Variants in MFSD11 observed in about 807,000 individuals in gnomAD.
MFSD11 encodes the protein UNC93-like protein MFSD11.
In MFSD11, 36 loss-of-function variants were observed where a neutral mutation model predicts 53.5. The observed-to-expected ratio is 0.67, with a 90% CI of 0.52 to 0.89. MFSD11 has a LOEUF of 0.89. MFSD11 is among the 40% of genes least tolerant of loss of function. The probability of loss-of-function intolerance (pLI) is 0.00; values close to 1 mark genes in which losing one functional copy is unlikely to be tolerated. For missense variants in MFSD11, 530 were observed against 543.9 expected (o/e 0.97, Z 0.25); for synonymous variants, 186 against 184.9 (o/e 1.01, Z -0.05).
the MFSD11 span, among the ~76,000 whole-genome samples, chr17:76,793,715 G>A: frequency 6.6e-6 from 1 of 151,520 alleles, no homozygotes; most frequent in Non-Finnish European, 1.5e-5. Flanking sequence ...TTGCAGTAAA[G>A]ACAGGCATAA....
chr17:76,764,689 A>G (rs1333177584), intron 8 of MFSD11, among the ~76,000 whole-genome samples: 2 of 135,990 alleles, frequency 1.5e-5, no homozygotes, highest in Non-Finnish European at 3.0e-5. Context: ...TAATTAATAC[A>G]CACACACACA....
chr17:76,759,323 C>T (rs971477238), intron 8 of MFSD11, among the ~76,000 whole-genome samples: 5 of 151,818 alleles, frequency 3.3e-5, no homozygotes, highest in Non-Finnish European at 5.9e-5. Flanking sequence ...CACTCTGTCA[C>T]CCAGGCTGGA....
At chr17:76,755,732 A>ATATATGTGTATATGTG in intron 8 of MFSD11, among the ~76,000 whole-genome samples, 1 of 131,120 alleles carries the variant, frequency 7.6e-6, no homozygotes, top group South Asian at 2.7e-4. Context: ...GTGTATATGT[A>ATATATGTGTATATGTG]TATATATGTA....
chr17:76,765,302 T>C (rs1405878803), intron 8 of MFSD11, among the ~76,000 whole-genome samples: 3 of 152,162 alleles, frequency 2.0e-5, no homozygotes, highest in African/African-American at 7.2e-5. Context: ...TGACTGTAGA[T>C]ATAAACATTT....
In MFSD11 at chr17:76,739,483, G is replaced by A. The variant is rs569126153; in HGVS notation, c.152+490G>A. On this transcript the variant is annotated intron_variant, in intron 2 of 12. Coordinates refer to ENST00000685175, the MANE Select transcript of MFSD11 (RefSeq NM_001242532.5). ...ATTTTACAGATGGGTAAAATGAAAA[G>A]ACCTTCACAAGTCACTAGAACCTTG... 3.9e-5 allele frequency among the ~76,000 whole-genome samples: 6 copies of A among 152,268 alleles called. No homozygotes were observed. In the South Asian group the frequency reaches 1.2e-3, roughly 32 times the overall value.
the MFSD11 span, among the ~76,000 whole-genome samples, chr17:76,799,954 C>CTTTTTTTTTTTTTTTT: frequency 2.3e-5 from 2 of 87,302 alleles, no homozygotes; most frequent in African/African-American, 8.3e-5. Context: ...TTTTCTTTTT[C>CTTTTTTTTTTTTTTTT]CTTTTTTTTT....
downstream of MFSD11, among the ~76,000 whole-genome samples, chr17:76,782,474 C>CTTTTTT (rs33999736): frequency 2.9e-4 from 22 of 76,200 alleles, 1 homozygote; most frequent in East Asian, 4.8e-4. Context: ...CGCGCCCAGG[C>CTTTTTT]TTTTTTTTTT....
chr17:76,775,130 T>C lies in MFSD11; in HGVS notation c.1008T>C (p.Ala336=), dbSNP rs373905890. Reference sequence around the variant, plus strand: ...ACATGCCTGGAGATGCCCCGATTGCTCCTGTTAAAGGAACTGACAGCAGTG... The same window carrying C: ...ACATGCCTGGAGATGCCCCGATTGCCCCTGTTAAAGGAACTGACAGCAGTG... The part of the protein sequence containing the change: ...FLNMPGDAPI[A]PVKGTDSSAY... Residue 336 remains alanine, a synonymous_variant, in exon 11 of 13, where the codon GCT becomes GCC. Transcript: ENST00000685175. The C allele has an allele frequency of 1.7e-5, 28 of 1,613,890 alleles. No individual in the cohort carries two copies. Among genetic ancestry groups the C allele is most frequent in the Admixed American group, 3.3e-5 (2 of 59,976 alleles).
At chr17:76,761,453 C>CAT in intron 8 of MFSD11, among the ~76,000 whole-genome samples, 1 of 152,134 alleles carries the variant, frequency 6.6e-6, no homozygotes, top group East Asian at 1.9e-4. Context: ...TAATAGATTA[C>CAT]CCTAGCCATA....
At chr17:76,788,969 C>T in the MFSD11 span, among the ~76,000 whole-genome samples, 1 of 149,398 alleles carries the variant, frequency 6.7e-6, no homozygotes, top group Non-Finnish European at 1.5e-5. Flanking sequence ...TGGTGAAACC[C>T]CATCTCTACT....
chr17:76,755,034 A>G (rs1057099172), intron 8 of MFSD11, among the ~76,000 whole-genome samples: 8 of 152,092 alleles, frequency 5.3e-5, no homozygotes, highest in African/African-American at 1.9e-4. Flanking sequence ...CCAGGCCAAC[A>G]TGGCGAAACC....
intron 7 of MFSD11, among the ~76,000 whole-genome samples, chr17:76,750,807 C>CTT (rs869278745): frequency 1.4e-5 from 2 of 138,010 alleles, no homozygotes; most frequent in Non-Finnish European, 3.2e-5. Context: ...GAAATGTAAT[C>CTT]TTTTTTTTTT....
At chr17:76,747,358 G>A (rs2078646518) in intron 7 of MFSD11, among the ~76,000 whole-genome samples, 1 of 145,974 alleles carries the variant, frequency 6.9e-6, no homozygotes, top group African/African-American at 2.5e-5. Flanking sequence ...TTTTTGAGAT[G>A]GAGTCTCACT....
chr17:76,762,702 C>T (rs1162389862), intron 8 of MFSD11, among the ~76,000 whole-genome samples: 4 of 149,382 alleles, frequency 2.7e-5, no homozygotes, highest in Non-Finnish European at 5.9e-5. Context: ...TAGTGAGACT[C>T]ACATTTATTC....
Position 76,766,270 on chromosome 17 carries a change from T to A in MFSD11, c.683-1116T>A, listed in dbSNP as rs374000257. 5.3e-5 allele frequency among the ~76,000 whole-genome samples: 8 copies of A among 151,610 alleles called. No homozygotes were observed. In the South Asian group the frequency reaches 1.3e-3, roughly 24 times the overall value. On this transcript the variant is annotated intron_variant, in intron 8 of 12. Transcript: ENST00000685175. ...CTTCTCTACTAAAAGTACAAAATAATTAGCCGGGCATGGTGGTATGGGCCT... is the reference window on the plus strand; with the variant it reads ...CTTCTCTACTAAAAGTACAAAATAAATAGCCGGGCATGGTGGTATGGGCCT...
chr17:76,744,584 G>T, intron 7 of MFSD11, 118 bp downstream of exon 7: 1 of 844,038 alleles, frequency 1.2e-6, no homozygotes, highest in Non-Finnish European at 1.7e-6. Context: ...GGTTACCACA[G>T]GCAAGAAAAG....
chr17:76,745,980 G>T (rs1302709790), intron 7 of MFSD11, among the ~76,000 whole-genome samples: 1 of 152,066 alleles, frequency 6.6e-6, no homozygotes, highest in Non-Finnish European at 1.5e-5. Context: ...GACTAATCAA[G>T]AAATGACTAA....
At position 76,738,921 on chromosome 17, in the gene MFSD11, T is replaced by C; in HGVS notation, c.97-17T>C. On this transcript the variant is annotated splice_polypyrimidine_tract_variant and intron_variant, in intron 1 of 12. Coordinates refer to ENST00000685175, the MANE Select transcript of MFSD11 (RefSeq NM_001242532.5). ...ACTGCAAAACATTTTCGTTGATTAGTTTTATCTTCCACACAGCAAACTGTC... is the reference window on the plus strand; with the variant it reads ...ACTGCAAAACATTTTCGTTGATTAGCTTTATCTTCCACACAGCAAACTGTC... 1 of 1,612,682 alleles carries C rather than the reference T, an allele frequency of 6.2e-7. No homozygotes were observed. The highest frequency in any genetic ancestry group is 8.5e-7 in the Non-Finnish European group (1 of 1,178,684).
chr17:76,789,096 C>G, the MFSD11 span, among the ~76,000 whole-genome samples: 1 of 149,332 alleles, frequency 6.7e-6, no homozygotes, highest in East Asian at 2.0e-4. Context: ...GAGCTGAGAT[C>G]ACACCATTGC....
Sources: gnomAD v4.1 joint callset for allele counts (sites outside exome capture counted in the v4.1 genomes callset) on GRCh38, gnomAD v4.1.1 for gene constraint, MANE v1.5 for transcripts, NCBI Gene and HGNC (gene_info 2026-07-23, HGNC 2026-07-21) for gene names.